Variants in SHISA9 observed in about 807,000 individuals in gnomAD.
SHISA9 encodes shisa family member 9.
Under a neutral mutation model 38.0 loss-of-function variants are expected in SHISA9, and 13 were observed. That is an observed-to-expected ratio of 0.34 (90% CI 0.22 to 0.54). SHISA9 has a LOEUF of 0.54. SHISA9 is among the 20% of genes least tolerant of loss of function. The pLI is 0.91. For synonymous variants in SHISA9, 275 were observed against 242.0 expected (o/e 1.14, Z -1.27); for missense variants, 538 against 575.8 (o/e 0.93, Z 0.67).
At chr16:13,353,809 C>T in the SHISA9 span, among the ~76,000 whole-genome samples, 1 of 152,102 alleles carries the variant, frequency 6.6e-6, no homozygotes, top group Non-Finnish European at 1.5e-5. Context: ...TTCTACTTTT[C>T]GTGAAGACGG....
chr16:13,450,915 G>A, the SHISA9 span, among the ~76,000 whole-genome samples: 11 of 152,066 alleles, frequency 7.2e-5, no homozygotes, highest in African/African-American at 2.2e-4. Context: ...AAATACCCAC[G>A]GAGAACTGTG....
chr16:13,179,286 C>T (rs1008225187), intron 2 of SHISA9, among the ~76,000 whole-genome samples: 2 of 152,198 alleles, frequency 1.3e-5, no homozygotes, highest in Non-Finnish European at 2.9e-5. Flanking sequence ...CACCCCAGCC[C>T]AGGTGACAGA....
chr16:12,956,974 TTA>T (rs1412687149), intron 2 of SHISA9, among the ~76,000 whole-genome samples: 1 of 152,178 alleles, frequency 6.6e-6, no homozygotes, highest in Non-Finnish European at 1.5e-5. Flanking sequence ...CACCAAATAT[TTA>T]ATGTTTAGAT....
At chr16:13,499,344 G>A in the SHISA9 span, among the ~76,000 whole-genome samples, 1 of 152,184 alleles carries the variant, frequency 6.6e-6, no homozygotes, top group Non-Finnish European at 1.5e-5. Context: ...CTTACCTATA[G>A]GGTGGAATAG....
chr16:13,304,698 T>C, the SHISA9 span, among the ~76,000 whole-genome samples: 15 of 152,322 alleles, frequency 9.8e-5, no homozygotes, highest in South Asian at 2.3e-3. Flanking sequence ...AACAATCTTA[T>C]GAGGTGAGTT....
chr16:13,046,954 C>T (rs747343828), intron 2 of SHISA9, among the ~76,000 whole-genome samples: 6 of 152,078 alleles, frequency 3.9e-5, no homozygotes, highest in Non-Finnish European at 7.3e-5. Context: ...TGGCTCTTAC[C>T]CCCTGTGTGC....
chr16:13,360,510 A>G, the SHISA9 span, among the ~76,000 whole-genome samples: 2 of 152,236 alleles, frequency 1.3e-5, no homozygotes, highest in Admixed American at 1.3e-4. Flanking sequence ...TTCCCCCTTC[A>G]CTTGGCTCTC....
At chr16:13,056,770 A>G (rs1044151703) in intron 2 of SHISA9, among the ~76,000 whole-genome samples, 2 of 152,226 alleles carry the variant, frequency 1.3e-5, no homozygotes, top group African/African-American at 2.4e-5. Flanking sequence ...AAGGACTGCC[A>G]AACACAGCAG....
intron 2 of SHISA9, among the ~76,000 whole-genome samples, chr16:13,069,538 C>T (rs577066770): frequency 3.1e-4 from 47 of 150,908 alleles, no homozygotes; most frequent in Non-Finnish European, 6.3e-4. Context: ...ACAATGTGTG[C>T]ATGTGTAGGG....
At chr16:13,495,106 A>G in the SHISA9 span, among the ~76,000 whole-genome samples, 3 of 152,174 alleles carry the variant, frequency 2.0e-5, no homozygotes, top group African/African-American at 7.2e-5. Flanking sequence ...AACATGGGGT[A>G]CCTTTATGAT....
At chr16:13,220,177 G>A (rs896396865) in intron 4 of SHISA9, among the ~76,000 whole-genome samples, 2 of 152,178 alleles carry the variant, frequency 1.3e-5, no homozygotes, top group African/African-American at 2.4e-5. Context: ...GCTGATGTGG[G>A]AGGTTCTTCT....
chr16:13,094,383 G>A (rs970849545), intron 2 of SHISA9, among the ~76,000 whole-genome samples: 1 of 152,024 alleles, frequency 6.6e-6, no homozygotes, highest in Non-Finnish European at 1.5e-5. Flanking sequence ...TGCTATTTTT[G>A]AGTTAAATGT....
chr16:13,258,915 CT>C, the SHISA9 span, among the ~76,000 whole-genome samples: 4 of 152,170 alleles, frequency 2.6e-5, no homozygotes, highest in South Asian at 2.1e-4. Flanking sequence ...CATTCCACCC[CT>C]GGCCCCTCCC....
the SHISA9 span, among the ~76,000 whole-genome samples, chr16:13,383,796 C>T: frequency 1.4e-4 from 21 of 151,682 alleles, no homozygotes; most frequent in Admixed American, 5.9e-4. Context: ...ACCATAGGCG[C>T]GAGCCACTAT....
At chr16:13,092,487 C>G (rs755173210) in intron 2 of SHISA9, among the ~76,000 whole-genome samples, 87 of 152,218 alleles carry the variant, frequency 5.7e-4, no homozygotes, top group Non-Finnish European at 8.8e-4. Flanking sequence ...CCAGTTCGAG[C>G]TTCCTGGCCA....
chr16:13,185,210 C>A (rs928808836), intron 2 of SHISA9, among the ~76,000 whole-genome samples: 2 of 152,028 alleles, frequency 1.3e-5, no homozygotes, highest in African/African-American at 4.8e-5. Flanking sequence ...TCTTTGTTTG[C>A]TTGTTCTTAG....
At chr16:13,339,583 G>A in the SHISA9 span, among the ~76,000 whole-genome samples, 4 of 152,128 alleles carry the variant, frequency 2.6e-5, no homozygotes, top group African/African-American at 9.7e-5. Flanking sequence ...TGAATTTCAA[G>A]CATAATACCC....
At chr16:13,098,257 T>C (rs971141572) in intron 2 of SHISA9, among the ~76,000 whole-genome samples, 3 of 152,182 alleles carry the variant, frequency 2.0e-5, no homozygotes, top group African/African-American at 4.8e-5. Context: ...TCCTCATCCA[T>C]AGAAATGGAG....
the SHISA9 span, among the ~76,000 whole-genome samples, chr16:13,402,820 T>TA: frequency 6.6e-6 from 1 of 152,222 alleles, no homozygotes; most frequent in Non-Finnish European, 1.5e-5. Context: ...CCAGAACTGT[T>TA]ACAAAATAAA....
Sources: allele counts gnomAD v4.1 joint callset (sites outside exome capture counted in the v4.1 genomes callset), GRCh38; gene constraint gnomAD v4.1.1; transcripts MANE v1.5; gene names NCBI Gene and HGNC (gene_info 2026-07-23, HGNC 2026-07-21).